Variants in SLC16A12 observed in about 807,000 individuals in gnomAD.
The protein encoded by SLC16A12 is solute carrier family 16 member 12, also known as monocarboxylate transporter 12.
SLC16A12 carries 17 observed loss-of-function variants against 42.4 expected under a neutral mutation model. The observed-to-expected ratio is 0.40, with a 90% CI of 0.27 to 0.60. The LOEUF (loss-of-function observed/expected upper bound fraction) is 0.60, where lower values mean the gene tolerates loss of function less well. Among genes scored for constraint, SLC16A12 ranks in the 20% least tolerant of loss-of-function variants. SLC16A12 has a pLI of 0.42. For synonymous variants in SLC16A12, 224 were observed against 229.4 expected (o/e 0.98, Z 0.21); for missense variants, 544 against 623.0 (o/e 0.87, Z 1.35).
intron 3 of SLC16A12, among the ~76,000 whole-genome samples, chr10:89,453,017 G>A (rs565390200): frequency 3.7e-4 from 56 of 152,270 alleles, no homozygotes; most frequent in African/African-American, 1.2e-3. Context: ...TGTGTTCACC[G>A]CAGTCCCATT....
chr10:89,551,442 C>CTAAA (rs761259857), intron 2 of SLC16A12, among the ~76,000 whole-genome samples: 26 of 152,008 alleles, frequency 1.7e-4, no homozygotes, highest in African/African-American at 5.8e-4. Flanking sequence ...GACCCTGTCT[C>CTAAA]TAAATAAATA....
At chr10:89,494,842 G>C (rs1177430542) in intron 2 of SLC16A12, among the ~76,000 whole-genome samples, 1 of 152,172 alleles carries the variant, frequency 6.6e-6, no homozygotes, top group Non-Finnish European at 1.5e-5. Flanking sequence ...GTTTGTAGAA[G>C]TTCCCACCCC....
In SLC16A12 at chr10:89,486,590, TCAAA is replaced by T. The variant is rs1339533577; in HGVS notation, c.-46-23970_-46-23967del. On this transcript the variant is annotated intron_variant, in intron 2 of 7. Coordinates refer to ENST00000371790, the MANE Select transcript of SLC16A12 (RefSeq NM_213606.4). ...CTAGGTGACAGAGTGAAACCTTGTC[TCAAA>T]AAAAAAAAAAAAGAAAGAAAGAAAG... Among the ~76,000 whole-genome samples, 36 of 32,646 alleles carry T rather than the reference TCAAA, an allele frequency of 1.1e-3. No individual in the cohort carries two copies. In the East Asian group the frequency reaches 0.013, roughly 12 times the overall value. The allele number at this position is 32,646 out of a possible 152,430, so 21.4% of individuals were successfully genotyped here.
chr10:89,547,628 G>C (rs1843749045), intron 2 of SLC16A12, among the ~76,000 whole-genome samples: 1 of 152,144 alleles, frequency 6.6e-6, no homozygotes, highest in Non-Finnish European at 1.5e-5. Context: ...AAAGGTATGT[G>C]ATCATTTTGT....
chr10:89,531,605 G>T (rs1843555385), intron 2 of SLC16A12, among the ~76,000 whole-genome samples: 1 of 152,156 alleles, frequency 6.6e-6, no homozygotes. Context: ...CCAATGAGTT[G>T]TTTCAGTGTT....
chr10:89,448,441 G>C (rs1027785516), intron 3 of SLC16A12, among the ~76,000 whole-genome samples: 5 of 151,820 alleles, frequency 3.3e-5, no homozygotes, highest in African/African-American at 1.2e-4. Context: ...GGGATGCAAG[G>C]CTGGTTCTAC....
At chr10:89,476,244 GTC>G (rs1842576595) in intron 2 of SLC16A12, among the ~76,000 whole-genome samples, 1 of 152,170 alleles carries the variant, frequency 6.6e-6, no homozygotes, top group Non-Finnish European at 1.5e-5. Context: ...ATTTCACAGA[GTC>G]TTTTTGTTCG....
chr10:89,460,881 A>G (rs1304167500), intron 3 of SLC16A12, among the ~76,000 whole-genome samples: 3 of 152,088 alleles, frequency 2.0e-5, no homozygotes, highest in Admixed American at 2.0e-4. Context: ...CTCAGCATCA[A>G]TTATATTATT....
At chr10:89,523,630 T>C (rs140709839) in intron 2 of SLC16A12, among the ~76,000 whole-genome samples, 43 of 150,772 alleles carry the variant, frequency 2.9e-4, no homozygotes, top group Middle Eastern at 3.4e-3. Flanking sequence ...CATTATATGT[T>C]GTGTCATCAT....
chr10:89,503,201 T>G (rs1215262878), intron 2 of SLC16A12, among the ~76,000 whole-genome samples: 1 of 152,202 alleles, frequency 6.6e-6, no homozygotes, highest in African/African-American at 2.4e-5. Context: ...CTACCTTTTC[T>G]TTTTCACGTT....
intron 2 of SLC16A12, among the ~76,000 whole-genome samples, chr10:89,550,281 G>C (rs567006288): frequency 6.6e-6 from 1 of 152,074 alleles, no homozygotes; most frequent in Non-Finnish European, 1.5e-5. Flanking sequence ...AGCACTTTGC[G>C]GGGCCGAGGC....
chr10:89,505,934 G>T (rs181840620), intron 2 of SLC16A12, among the ~76,000 whole-genome samples: 4 of 152,254 alleles, frequency 2.6e-5, no homozygotes, highest in South Asian at 2.1e-4. Flanking sequence ...TTCAGTAGGC[G>T]GTATTATGCT....
chr10:89,481,543 G>T (rs1842660497), intron 2 of SLC16A12, among the ~76,000 whole-genome samples: 1 of 151,858 alleles, frequency 6.6e-6, no homozygotes, highest in Non-Finnish European at 1.5e-5. Context: ...CTTTTTATCT[G>T]CCCAAGAAGC....
At chr10:89,545,660 C>T (rs188586228) in intron 2 of SLC16A12, among the ~76,000 whole-genome samples, 3 of 152,316 alleles carry the variant, frequency 2.0e-5, no homozygotes, top group African/African-American at 7.2e-5. Context: ...AGATTCAATG[C>T]TATTCCCATC....
At position 89,436,141 on chromosome 10, in the gene SLC16A12, C is replaced by T. The variant is rs1471180754; in HGVS notation, c.1207G>A (p.Gly403Arg). 1.2e-6 allele frequency: 2 copies of T among 1,613,962 alleles called. No individual in the cohort carries two copies. Among genetic ancestry groups the T allele is most frequent in the African/African-American group, 2.7e-5 (2 of 74,896 alleles). ...LIPVVTTEIV[G>R]TTSLSSALGV... ...AGCGCTGATGACAAAGAGGTGGTCC[C>T]CACTATCTCTGTGGTCACTACTGGG... is the stretch of plus-strand genomic sequence containing the variant. The change falls in exon 7 of 8, where the codon GGG becomes AGG. Residue 403 changes from glycine (G) to arginine (R), a missense_variant. Transcript: ENST00000371790.
rs192502655 is a variant in SLC16A12 at position 89,438,180 on chromosome 10, C to G, written c.1028+424G>C. On this transcript the variant is annotated intron_variant, in intron 6 of 7. Coordinates refer to ENST00000371790, the MANE Select transcript of SLC16A12 (RefSeq NM_213606.4). ...ATCTGGCCCATGACATCTTTTTGTA[C>G]TACCTGTGAATTAAGAACGGTTTTT... Among the ~76,000 whole-genome samples, 95 of 152,288 alleles carry G rather than the reference C, an allele frequency of 6.2e-4. 1 individual carries two copies. Among genetic ancestry groups the G allele is most frequent in the Non-Finnish European group, 1.6e-4 (11 of 68,014 alleles).
At position 89,487,108 on chromosome 10, in the gene SLC16A12, G is replaced by A. The variant is rs113581001; in HGVS notation, c.-46-24484C>T. ...CTGACAAGAAAGCTGTGGGCTCTGC[G>A]GATTCCATACAAAGGGTCAGATTCC... is the stretch of plus-strand genomic sequence containing the variant. On this transcript the variant is annotated intron_variant, in intron 2 of 7. Transcript: ENST00000371790. Among the ~76,000 whole-genome samples, 479 of 152,274 alleles carry A rather than the reference G, an allele frequency of 3.1e-3. 2 individuals are homozygous for A. The highest frequency in any genetic ancestry group is 0.011 in the African/African-American group (450 of 41,554).
intron 2 of SLC16A12, among the ~76,000 whole-genome samples, chr10:89,550,668 C>G (rs904647569): frequency 3.3e-5 from 5 of 151,842 alleles, no homozygotes; most frequent in Non-Finnish European, 5.9e-5. Flanking sequence ...CCGCCTTTCT[C>G]TACATCATCT....
At chr10:89,492,381 T>G (rs1842858642) in intron 2 of SLC16A12, among the ~76,000 whole-genome samples, 1 of 152,044 alleles carries the variant, frequency 6.6e-6, no homozygotes, top group Non-Finnish European at 1.5e-5. Context: ...AGCAGTTTTT[T>G]AGGAACAAGA....
Sources: allele counts gnomAD v4.1 joint callset (sites outside exome capture counted in the v4.1 genomes callset), GRCh38; gene constraint gnomAD v4.1.1; transcripts MANE v1.5; gene names NCBI Gene and HGNC (gene_info 2026-07-23, HGNC 2026-07-21).